CBLB: variants seen among roughly 807,000 people sequenced by gnomAD.
The protein encoded by CBLB is E3 ubiquitin-protein ligase CBL-B.
CBLB carries 31 observed loss-of-function variants against 104.9 expected under a neutral mutation model. The observed-to-expected ratio is 0.30, with a 90% confidence interval of 0.22 to 0.40. CBLB has a LOEUF of 0.40. CBLB is among the 10% of genes least tolerant of loss of function. The pLI, the probability that CBLB is intolerant of heterozygous loss-of-function variation, is 1.00. For synonymous variants in CBLB, 440 were observed against 422.6 expected (o/e 1.04, Z -0.51); for missense variants, 1,062 against 1,214.6 (o/e 0.87, Z 1.87).
chr3:105,711,570 A>G lies in CBLB; in HGVS notation c.1408-7397T>C, dbSNP rs2071090770. 2.0e-5 allele frequency among the ~76,000 whole-genome samples: 3 copies of G among 152,020 alleles called. No homozygotes were observed. The South Asian group carries it at 6.2e-4, about 32-fold the overall frequency. ...TGACTTGTGTTATCTATTTTAGAGT[A>G]CCTCCACAGATAATAAACAAAAGCT... On this transcript the variant is annotated intron_variant, in intron 10 of 18. Coordinates refer to ENST00000394030, the MANE Select transcript of CBLB (RefSeq NM_170662.5).
intron 18 of CBLB, among the ~76,000 whole-genome samples, chr3:105,663,014 A>G (rs540753814): frequency 1.3e-5 from 2 of 152,306 alleles, no homozygotes; most frequent in Admixed American, 6.5e-5. Flanking sequence ...GACCGTCACT[A>G]CGAGAGTTAC....
intron 6 of CBLB, among the ~76,000 whole-genome samples, chr3:105,743,474 A>AG (rs397799280): frequency 6.6e-6 from 1 of 150,456 alleles, no homozygotes; most frequent in Non-Finnish European, 1.5e-5. Context: ...AAAAAAAAAA[A>AG]TTAAAAAAAA....
At chr3:105,835,246 T>C (rs907467783) in intron 3 of CBLB, among the ~76,000 whole-genome samples, 3 of 152,218 alleles carry the variant, frequency 2.0e-5, no homozygotes, top group African/African-American at 7.2e-5. Context: ...AGCTTCAGTT[T>C]GAAAAGAGTA....
chr3:105,685,195 A>T, intron 14 of CBLB, 125 bp downstream of exon 14: 1 of 836,592 alleles, frequency 1.2e-6, no homozygotes, highest in South Asian at 1.4e-5. Context: ...TATAATAGGA[A>T]GAGAAGGATT....
intron 4 of CBLB, among the ~76,000 whole-genome samples, chr3:105,775,584 T>G (rs1285581423): frequency 6.6e-6 from 1 of 152,204 alleles, no homozygotes; most frequent in Non-Finnish European, 1.5e-5. Flanking sequence ...TCTAGGACAT[T>G]CTGAGGACGC....
intron 3 of CBLB, among the ~76,000 whole-genome samples, chr3:105,779,651 T>G (rs2079914316): frequency 6.6e-6 from 1 of 151,142 alleles, no homozygotes; most frequent in Admixed American, 6.6e-5. Flanking sequence ...TGAAAAGAAC[T>G]GACAAACTCA....
intron 3 of CBLB, among the ~76,000 whole-genome samples, chr3:105,852,773 A>C (rs1386142000): frequency 6.6e-6 from 1 of 151,954 alleles, no homozygotes; most frequent in African/African-American, 2.4e-5. Flanking sequence ...GCTGGAGTGC[A>C]ATGGCACAAT....
intron 13 of CBLB, among the ~76,000 whole-genome samples, chr3:105,690,127 T>A (rs1056119465): frequency 6.6e-6 from 1 of 152,136 alleles, no homozygotes; most frequent in Admixed American, 6.5e-5. Flanking sequence ...AACAACATAG[T>A]ATAAATGTAA....
chr3:105,785,401 A>G (rs1368598875), intron 3 of CBLB, among the ~76,000 whole-genome samples: 1 of 152,186 alleles, frequency 6.6e-6, no homozygotes, highest in East Asian at 1.9e-4. Flanking sequence ...GTGAGTTCTG[A>G]GACCTTTTAT....
intron 12 of CBLB, among the ~76,000 whole-genome samples, chr3:105,700,142 T>C (rs992158886): frequency 6.6e-6 from 1 of 152,086 alleles, no homozygotes; most frequent in Admixed American, 6.6e-5. Flanking sequence ...ATTTCATACC[T>C]ATAGTTAATA....
intron 4 of CBLB, among the ~76,000 whole-genome samples, chr3:105,753,808 CTT>C (rs1395547332): frequency 1.3e-5 from 2 of 152,060 alleles, no homozygotes; most frequent in Admixed American, 1.3e-4. Flanking sequence ...ATTCATAACT[CTT>C]TTGAGCACTC....
At chr3:105,817,169 T>A (rs1468587163) in intron 3 of CBLB, among the ~76,000 whole-genome samples, 1 of 152,196 alleles carries the variant, frequency 6.6e-6, no homozygotes, top group African/African-American at 2.4e-5. Flanking sequence ...ATTAATCTTT[T>A]GCAAGAAAAG....
intron 3 of CBLB, among the ~76,000 whole-genome samples, chr3:105,836,972 A>T (rs1428844784): frequency 6.6e-6 from 1 of 152,080 alleles, no homozygotes; most frequent in African/African-American, 2.4e-5. Context: ...AAGACCAAAA[A>T]AAAAAAAAAA....
At chr3:105,799,583 C>T (rs892967211) in intron 3 of CBLB, among the ~76,000 whole-genome samples, 1 of 152,134 alleles carries the variant, frequency 6.6e-6, no homozygotes, top group Non-Finnish European at 1.5e-5. Context: ...GATAAGATTA[C>T]ATACAAGTGA....
chr3:105,820,408 A>G (rs2085674592), intron 3 of CBLB, among the ~76,000 whole-genome samples: 1 of 152,232 alleles, frequency 6.6e-6, no homozygotes, highest in African/African-American at 2.4e-5. Flanking sequence ...AGCAGCTAGC[A>G]GAAAGAATTT....
chr3:105,681,554 TTGGAGGCC>T lies in CBLB; in HGVS notation c.2345_2352del (p.Arg782AsnfsTer17). 1 of 1,614,008 alleles carries T rather than the reference TTGGAGGCC, an allele frequency of 6.2e-7. No homozygotes were observed. The highest frequency in any genetic ancestry group is 8.5e-7 in the Non-Finnish European group (1 of 1,179,944). On this transcript the variant is annotated frameshift_variant, in exon 16 of 19. Coordinates refer to ENST00000394030, the MANE Select transcript of CBLB (RefSeq NM_170662.5). LOFTEE classifies it high-confidence loss of function. ...GAACCATGCTTTGGATTGTCCCGAG[TTGGAGGCC>T]TGGCAGGTGGTAATGGCACGGGATC...
intron 4 of CBLB, among the ~76,000 whole-genome samples, chr3:105,765,880 T>G (rs2078166831): frequency 6.6e-6 from 1 of 152,228 alleles, no homozygotes; most frequent in African/African-American, 2.4e-5. Flanking sequence ...AAGGAGCCAT[T>G]TTGACTTTCA....
At chr3:105,772,844 A>G (rs2079017339) in intron 4 of CBLB, among the ~76,000 whole-genome samples, 1 of 152,238 alleles carries the variant, frequency 6.6e-6, no homozygotes, top group Non-Finnish European at 1.5e-5. Context: ...AACAATGACC[A>G]TAATTAAAAA....
chr3:105,802,424 G>T (rs2082991516), intron 3 of CBLB, among the ~76,000 whole-genome samples: 1 of 152,170 alleles, frequency 6.6e-6, no homozygotes, highest in South Asian at 2.1e-4. Flanking sequence ...AGCCAAAAGA[G>T]CTTAGGAACC....
Sources: allele counts gnomAD v4.1 joint callset (sites outside exome capture counted in the v4.1 genomes callset), GRCh38; gene constraint gnomAD v4.1.1; transcripts MANE v1.5; gene names NCBI Gene and HGNC (gene_info 2026-07-23, HGNC 2026-07-21).